Variants in ADRA2C observed in about 807,000 individuals in gnomAD.
ADRA2C encodes adrenoceptor alpha 2C.
In ADRA2C, 4 loss-of-function variants were observed where a neutral mutation model predicts 7.9. That is an observed-to-expected ratio of 0.51 (90% CI 0.25 to 1.16). The LOEUF (loss-of-function observed/expected upper bound fraction) is 1.16, where lower values mean the gene tolerates loss of function less well. Among genes scored for constraint, ADRA2C ranks in the 50% most tolerant of loss-of-function variants. ADRA2C has a pLI of 0.15. For synonymous variants in ADRA2C, 368 were observed against 328.9 expected, an observed-to-expected ratio of 1.12 and a Z score of -1.29; for missense variants, 589 against 677.7, an observed-to-expected ratio of 0.87 and a Z score of 1.45.
In ADRA2C at chr4:3,768,490, A is replaced by C; in HGVS notation, c.*495A>C. The C allele has an allele frequency of 1.7e-6, 1 of 591,462 alleles. No homozygotes were observed. Among genetic ancestry groups the C allele is most frequent in the South Asian group, 2.1e-5 (1 of 47,698 alleles). 36.6% of individuals were successfully genotyped at this position (591,462 alleles called of 1,614,324 possible). Reference sequence around the variant, plus strand: ...GTTTGCCAAAAACAACAGCCAAAACAACCAAACTATTTTCTAAATAAACCT... The same window carrying C: ...GTTTGCCAAAAACAACAGCCAAAACCACCAAACTATTTTCTAAATAAACCT... On this transcript the variant is annotated 3_prime_UTR_variant, in exon 1 of 1. Coordinates refer to ENST00000330055, the MANE Select transcript of ADRA2C (RefSeq NM_000683.4).
rs1735497444 is a variant in ADRA2C at position 3,768,047 on chromosome 4, A to C, written c.*52A>C. On this transcript the variant is annotated 3_prime_UTR_variant, in exon 1 of 1. Transcript: ENST00000330055. ...AGCTCCGCGCTCGGGGCTGGGCAGA[A>C]GGGGCGGCCCGGACGGGGGAGCTTT... 2.6e-6 allele frequency: 1 copy of C among 381,624 alleles called. No homozygotes were observed. The highest frequency in any genetic ancestry group is 3.9e-6 in the Non-Finnish European group (1 of 254,026). 23.6% of individuals were successfully genotyped at this position (381,624 alleles called of 1,614,324 possible). A position where few individuals can be genotyped will look rare whatever the true frequency, so the allele number is the denominator to read the frequency against.
Position 3,767,461 on chromosome 4 carries a change from G to A in ADRA2C, c.855G>A (p.Pro285=), listed in dbSNP as rs1417890121. The change falls in exon 1 of 1, where the codon CCG becomes CCA. Residue 285 remains proline, a synonymous_variant. Transcript: ENST00000330055. ...HCAPPPADVE[P]DESSAAAERR... ...CGCCCCCGCCCGCCGACGTGGAGCC[G>A]GACGAGAGCAGCGCAGCGGCCGAGA... 2 of 1,466,348 alleles carry A rather than the reference G, an allele frequency of 1.4e-6. No individual in the cohort carries two copies. The highest frequency in any genetic ancestry group is 1.8e-6 in the Non-Finnish European group (2 of 1,121,730). The allele number at this position is 1,466,348 out of a possible 1,614,324, so 90.8% of individuals were successfully genotyped here.
Position 3,768,088 on chromosome 4 carries a change from A to AGCTTTCCCAGAGACCCGGGGG in ADRA2C, c.*93_*94insGCTTTCCCAGAGACCCGGGGG. 2.5e-6 allele frequency: 3 copies of AGCTTTCCCAGAGACCCGGGGG among 1,193,410 alleles called. No individual in the cohort carries two copies. Among genetic ancestry groups the AGCTTTCCCAGAGACCCGGGGG allele is most frequent in the Non-Finnish European group, 3.6e-6 (3 of 838,382 alleles). 73.9% of individuals were successfully genotyped at this position (1,193,410 alleles called of 1,614,324 possible). ...GGGGAGCTTTCCCAGAGACCCGGGG[A>AGCTTTCCCAGAGACCCGGGGG]TGGATTGGCCTCCAGGGCGCAGGGG... On this transcript the variant is annotated 3_prime_UTR_variant, in exon 1 of 1. Transcript: ENST00000330055.
Position 3,767,327 on chromosome 4 carries a change from A to G in ADRA2C, c.721A>G (p.Thr241Ala), listed in dbSNP as rs1735470264. 8.3e-6 allele frequency: 13 copies of G among 1,574,532 alleles called. No individual in the cohort carries two copies. The highest frequency in any genetic ancestry group is 1.1e-5 in the Non-Finnish European group (13 of 1,162,438). Reference sequence around the variant, plus strand: ...CATCTACCGAGTGGCCAAGCTGCGCACGCGCACGCTCAGCGAGAAGCGCGC... The same window carrying G: ...CATCTACCGAGTGGCCAAGCTGCGCGCGCGCACGCTCAGCGAGAAGCGCGC... ...ARIYRVAKLRTRTLSEKRAPV... is the reference protein window; with the variant it reads ...ARIYRVAKLRARTLSEKRAPV... The change falls in exon 1 of 1, where the codon ACG (threonine) becomes GCG (alanine). Residue 241 changes from threonine (T) to alanine (A), a missense_variant. Coordinates refer to ENST00000330055, the MANE Select transcript of ADRA2C (RefSeq NM_000683.4).
Position 3,767,335 on chromosome 4 carries a change from G to T in ADRA2C, c.729G>T (p.Thr243=). The T allele has an allele frequency of 6.4e-7, 1 of 1,566,230 alleles. No homozygotes were observed. The highest frequency in any genetic ancestry group is 8.6e-7 in the Non-Finnish European group (1 of 1,158,430). Residue 243 remains threonine (T), a synonymous_variant, in exon 1 of 1, where the codon ACG becomes ACT. Coordinates refer to ENST00000330055, the MANE Select transcript of ADRA2C (RefSeq NM_000683.4). ...GAGTGGCCAAGCTGCGCACGCGCAC[G>T]CTCAGCGAGAAGCGCGCCCCCGTGG... ...IYRVAKLRTR[T]LSEKRAPVGP...
rs373904470 is a variant in ADRA2C at position 3,767,969 on chromosome 4, C to T, written c.1363C>T (p.Arg455Trp). The change falls in exon 1 of 1, where the codon CGG becomes TGG. Residue 455 changes from arginine to tryptophan, a missense_variant. Coordinates refer to ENST00000330055, the MANE Select transcript of ADRA2C (RefSeq NM_000683.4). ...ATCCTTTAAGCACATCCTCTTCCGA[C>T]GGAGGAGAAGGGGCTTCAGGCAGTG... ...RRSFKHILFRRRRRGFRQ is the reference protein window; with the variant it reads ...RRSFKHILFRWRRRGFRQ The T allele has an allele frequency of 1.2e-5, 20 of 1,609,226 alleles. No homozygotes were observed. The African/African-American group carries it at 1.9e-4, about 15-fold the overall frequency.
rs1322767575 is a variant in ADRA2C, at chr4:3,767,341, C to T, written c.735C>T (p.Ser245=). Residue 245 remains serine (S), a synonymous_variant, in exon 1 of 1, where the codon AGC becomes AGT. Transcript: ENST00000330055. The part of the protein sequence containing the change: ...RVAKLRTRTL[S]EKRAPVGPDG... ...CCAAGCTGCGCACGCGCACGCTCAG[C>T]GAGAAGCGCGCCCCCGTGGGCCCCG... is the stretch of plus-strand genomic sequence containing the variant. 4.5e-6 allele frequency: 7 copies of T among 1,557,316 alleles called. No homozygotes were observed. In the Admixed American group the frequency reaches 7.7e-5, roughly 17 times the overall value.
At position 3,766,912 on chromosome 4, in the gene ADRA2C, G is replaced by A; in HGVS notation, c.306G>A (p.Thr102=). 1 of 1,601,400 alleles carries A rather than the reference G, an allele frequency of 6.2e-7. No individual in the cohort carries two copies. The highest frequency in any genetic ancestry group is 8.5e-7 in the Non-Finnish European group (1 of 1,174,132). ...SLASADILVA[T]LVMPFSLANE... is the part of the protein sequence containing the mutation. ...CCTCGGCCGACATCCTGGTGGCCAC[G>A]CTGGTCATGCCCTTCTCGTTGGCCA... The change falls in exon 1 of 1, where the codon ACG becomes ACA. Residue 102 remains threonine, a synonymous_variant. Coordinates refer to ENST00000330055, the MANE Select transcript of ADRA2C (RefSeq NM_000683.4). This position sits in a 1 kb window ranked among gnomAD's most constrained non-coding sequence, Gnocchi z 4.5.
rs1165550850 is a variant in ADRA2C at position 3,766,595 on chromosome 4, C to T, written c.-12C>T. The stretch of plus-strand genomic sequence containing the variant: ...CGGCTCCAGGAGGGACGGCGTAGCT[C>T]GCGGGAGGACCATGGCGTCCCCGGC... On this transcript the variant is annotated 5_prime_UTR_variant, in exon 1 of 1. Transcript: ENST00000330055. This position sits in a 1 kb window ranked among gnomAD's most constrained non-coding sequence, Gnocchi z 4.5. 1 of 1,171,252 alleles carries T rather than the reference C, an allele frequency of 8.5e-7. No individual in the cohort carries two copies. The highest frequency in any genetic ancestry group is 1.6e-5 in the African/African-American group (1 of 61,756). 72.6% of individuals were successfully genotyped at this position (1,171,252 alleles called of 1,614,324 possible).
In ADRA2C at chr4:3,766,546, G is replaced by A; in HGVS notation, c.-61G>A. The A allele has an allele frequency of 1.9e-6, 2 of 1,075,390 alleles. No homozygotes were observed. Among genetic ancestry groups the A allele is most frequent in the South Asian group, 4.4e-5 (1 of 22,812 alleles). 66.6% of individuals were successfully genotyped at this position (1,075,390 alleles called of 1,614,324 possible). A position where few individuals can be genotyped will look rare whatever the true frequency, so the allele number is the denominator to read the frequency against. On this transcript the variant is annotated 5_prime_UTR_variant, in exon 1 of 1. Transcript: ENST00000330055. This position sits in a 1 kb window ranked among gnomAD's most constrained non-coding sequence, Gnocchi z 4.5. Reference sequence around the variant, plus strand: ...CGGGCGCCGACCCCGGCTGGGGGGCGCCCGAGCTGCCGCGGCTGCGCCCCG... The same window carrying A: ...CGGGCGCCGACCCCGGCTGGGGGGCACCCGAGCTGCCGCGGCTGCGCCCCG...
chr4:3,766,576 C>A lies in ADRA2C; in HGVS notation c.-31C>A. ...AGCTGCCGCGGCTGCGCCCCGGCTC[C>A]AGGAGGGACGGCGTAGCTCGCGGGA... is the stretch of plus-strand genomic sequence containing the variant. On this transcript the variant is annotated 5_prime_UTR_variant, in exon 1 of 1. Coordinates refer to ENST00000330055, the MANE Select transcript of ADRA2C (RefSeq NM_000683.4). This position sits in a 1 kb window ranked among gnomAD's most constrained non-coding sequence, Gnocchi z 4.5. The A allele has an allele frequency of 1.7e-6, 2 of 1,149,660 alleles. No individual in the cohort carries two copies. The highest frequency in any genetic ancestry group is 2.1e-6 in the Non-Finnish European group (2 of 936,344). The allele number at this position is 1,149,660 out of a possible 1,614,324, so 71.2% of individuals were successfully genotyped here.
In ADRA2C at chr4:3,767,935, T is replaced by C. The variant is rs2108688611; in HGVS notation, c.1329T>C (p.Asp443=). ...TCATCTACACGGTCTTCAACCAGGA[T>C]TTCCGGCGATCCTTTAAGCACATCC... ...NPVIYTVFNQ[D]FRRSFKHILF... Residue 443 remains aspartate, a synonymous_variant, in exon 1 of 1, where the codon GAT becomes GAC. Transcript: ENST00000330055. 6.2e-7 allele frequency: 1 copy of C among 1,611,710 alleles called. No homozygotes were observed. Among genetic ancestry groups the C allele is most frequent in the Non-Finnish European group, 8.5e-7 (1 of 1,179,946 alleles).
rs564653582 is a variant in ADRA2C at position 3,767,147 on chromosome 4, G to A, written c.541G>A (p.Val181Ile). The A allele has an allele frequency of 2.2e-5, 35 of 1,608,064 alleles. No homozygotes were observed. The East Asian group carries it at 6.2e-4, about 29-fold the overall frequency. The change falls in exon 1 of 1, where the codon GTC becomes ATC. Residue 181 changes from valine to isoleucine, a missense_variant. Val to Ile is a conservative substitution (Grantham distance 29). Coordinates refer to ENST00000330055, the MANE Select transcript of ADRA2C (RefSeq NM_000683.4). The part of the protein sequence containing the change: ...TIVAVWLISA[V>I]ISFPPLVSLY... ...CGTGGCCGTGTGGCTCATCTCGGCC[G>A]TCATCTCCTTCCCGCCGCTGGTCTC...
At position 3,768,062 on chromosome 4, in the gene ADRA2C, G is replaced by GGGGGAGCTGTCCCAGAGACCC; in HGVS notation, c.*75_*76insGTCCCAGAGACCCGGGGAGCT. 8.6e-7 allele frequency: 1 copy of GGGGGAGCTGTCCCAGAGACCC among 1,157,758 alleles called. No homozygotes were observed. The highest frequency in any genetic ancestry group is 1.1e-6 in the Non-Finnish European group (1 of 879,322). 71.7% of individuals were successfully genotyped at this position (1,157,758 alleles called of 1,614,324 possible). On this transcript the variant is annotated 3_prime_UTR_variant, in exon 1 of 1. Coordinates refer to ENST00000330055, the MANE Select transcript of ADRA2C (RefSeq NM_000683.4). Reference sequence around the variant, plus strand: ...GCTGGGCAGAAGGGGCGGCCCGGACGGGGGAGCTTTCCCAGAGACCCGGGG... The same window carrying GGGGGAGCTGTCCCAGAGACCC: ...GCTGGGCAGAAGGGGCGGCCCGGACGGGGGAGCTGTCCCAGAGACCCGGGGAGCTTTCCCAGAGACCCGGGG...
At position 3,766,814 on chromosome 4, in the gene ADRA2C, G is replaced by A; in HGVS notation, c.208G>A (p.Val70Met). Residue 70 changes from valine (V) to methionine (M), a missense_variant, in exon 1 of 1, where the codon GTG (valine) becomes ATG (methionine). By Grantham distance (21) the Val-to-Met change is conservative (BLOSUM62 1). Coordinates refer to ENST00000330055, the MANE Select transcript of ADRA2C (RefSeq NM_000683.4). This position sits in a 1 kb window ranked among gnomAD's most constrained non-coding sequence, Gnocchi z 4.5. The part of the protein sequence containing the change: ...FLIVFTVVGN[V>M]LVVIAVLTSR... ...CATCGTCTTCACCGTGGTGGGCAACGTGCTGGTGGTGATCGCCGTGCTGAC... is the reference window on the plus strand; with the variant it reads ...CATCGTCTTCACCGTGGTGGGCAACATGCTGGTGGTGATCGCCGTGCTGAC... 1 of 1,574,640 alleles carries A rather than the reference G, an allele frequency of 6.4e-7. No homozygotes were observed.
In ADRA2C at chr4:3,768,074, C is replaced by CCAGAGACCCGGGGAGCTCTCA; in HGVS notation, c.*93_*94insGCTCTCACAGAGACCCGGGGA. The CCAGAGACCCGGGGAGCTCTCA allele has an allele frequency of 6.5e-7, 1 of 1,538,910 alleles. No individual in the cohort carries two copies. The highest frequency in any genetic ancestry group is 8.8e-7 in the Non-Finnish European group (1 of 1,136,176). On this transcript the variant is annotated 3_prime_UTR_variant, in exon 1 of 1. Coordinates refer to ENST00000330055, the MANE Select transcript of ADRA2C (RefSeq NM_000683.4). The stretch of plus-strand genomic sequence containing the variant: ...GGGCGGCCCGGACGGGGGAGCTTTC[C>CCAGAGACCCGGGGAGCTCTCA]CAGAGACCCGGGGATGGATTGGCCT...
At position 3,768,326 on chromosome 4, in the gene ADRA2C, C is replaced by T. The variant is rs993942105; in HGVS notation, c.*331C>T. On this transcript the variant is annotated 3_prime_UTR_variant, in exon 1 of 1. Transcript: ENST00000330055. ...AGAGGTAGCCCCCTAAATGGGCAAGCAAGGAGCCCCCCAAAGACACTACCA... is the reference window on the plus strand; with the variant it reads ...AGAGGTAGCCCCCTAAATGGGCAAGTAAGGAGCCCCCCAAAGACACTACCA... The T allele has an allele frequency of 5.7e-5, 41 of 716,308 alleles. No individual in the cohort carries two copies. In the Admixed American group the frequency reaches 7.6e-4, roughly 13 times the overall value. 44.4% of individuals were successfully genotyped at this position (716,308 alleles called of 1,614,324 possible). A position where few individuals can be genotyped will look rare whatever the true frequency, so the allele number is the denominator to read the frequency against.
In ADRA2C at chr4:3,766,406, G is replaced by A. The variant is rs1317721215; in HGVS notation, c.-201G>A. 2 of 177,452 alleles carry A rather than the reference G, an allele frequency of 1.1e-5. No individual in the cohort carries two copies. The highest frequency in any genetic ancestry group is 6.7e-5 in the Admixed American group (1 of 14,816). 11.0% of individuals were successfully genotyped at this position (177,452 alleles called of 1,614,324 possible). On this transcript the variant is annotated 5_prime_UTR_variant, in exon 1 of 1. Transcript: ENST00000330055. This position sits in a 1 kb window ranked among gnomAD's most constrained non-coding sequence, Gnocchi z 4.5. ...CTGCACTTACACGCTCGGCAGCTGC[G>A]GGGAGCCCGGCAGCCACGCTCTCCG...
chr4:3,767,978 A>G lies in ADRA2C; in HGVS notation c.1372A>G (p.Arg458Gly). 6.2e-7 allele frequency: 1 copy of G among 1,607,726 alleles called. No homozygotes were observed. Among genetic ancestry groups the G allele is most frequent in the Non-Finnish European group, 8.5e-7 (1 of 1,178,744 alleles). Residue 458 changes from arginine to glycine, a missense_variant, in exon 1 of 1, where the codon AGG becomes GGG. Arg to Gly is a moderately radical substitution (Grantham distance 125). Transcript: ENST00000330055. ...GCACATCCTCTTCCGACGGAGGAGA[A>G]GGGGCTTCAGGCAGTGACTCGCACC... ...FKHILFRRRRRGFRQ is the reference protein window; with the variant it reads ...FKHILFRRRRGGFRQ
Sources: allele counts gnomAD v4.1 joint callset, GRCh38; gene constraint gnomAD v4.1.1; non-coding constraint Gnocchi (gnomAD v3.1); transcripts MANE v1.5; gene names NCBI Gene and HGNC (gene_info 2026-07-23, HGNC 2026-07-21).